Variants in SCHIP1 observed in about 807,000 individuals in gnomAD.
SCHIP1 encodes the protein schwannomin interacting protein 1, also known as schwannomin-interacting protein 1.
In SCHIP1, 8 loss-of-function variants were observed where a neutral mutation model predicts 29.7. That is an observed-to-expected ratio of 0.27 (90% CI 0.16 to 0.49). The LOEUF (loss-of-function observed/expected upper bound fraction) is 0.49, where lower values mean the gene tolerates loss of function less well. Ranked by LOEUF, SCHIP1 falls within the 20% of genes least tolerant of loss-of-function variation. SCHIP1 has a pLI of 0.99. For missense variants in SCHIP1, 193 were observed against 294.6 expected, an observed-to-expected ratio of 0.66 and a Z score of 2.52; for synonymous variants, 76 against 94.9, an observed-to-expected ratio of 0.80 and a Z score of 1.16.
the SCHIP1 span, among the ~76,000 whole-genome samples, chr3:159,760,911 C>G: frequency 6.6e-6 from 1 of 152,154 alleles, no homozygotes; most frequent in South Asian, 2.1e-4. Flanking sequence ...AGCAATTAAA[C>G]AGCAACCTCA....
the SCHIP1 span, among the ~76,000 whole-genome samples, chr3:159,684,541 C>T: frequency 6.6e-6 from 1 of 152,030 alleles, no homozygotes; most frequent in Non-Finnish European, 1.5e-5. Flanking sequence ...TGTGGTGGCT[C>T]ATGCCTGTAA....
chr3:159,609,316 T>C, the SCHIP1 span, among the ~76,000 whole-genome samples: 3 of 152,062 alleles, frequency 2.0e-5, no homozygotes, highest in East Asian at 1.9e-4. Context: ...ATTTGAATAG[T>C]GAGTAGTCCA....
At chr3:159,718,957 G>A in the SCHIP1 span, among the ~76,000 whole-genome samples, 1,585 of 152,260 alleles carry the variant, frequency 0.01, 12 homozygotes, top group Non-Finnish European at 0.017. Context: ...AAGGCTGGAG[G>A]CATCACGCTA....
the SCHIP1 span, among the ~76,000 whole-genome samples, chr3:159,827,932 T>C: frequency 2.6e-5 from 4 of 152,070 alleles, no homozygotes; most frequent in African/African-American, 7.2e-5. Flanking sequence ...GTTTTTGAAA[T>C]GTCCATGATC....
the SCHIP1 span, among the ~76,000 whole-genome samples, chr3:159,477,302 G>C: frequency 6.6e-6 from 1 of 152,074 alleles, no homozygotes; most frequent in Non-Finnish European, 1.5e-5. Flanking sequence ...CCGGATATAT[G>C]ACAAGTAGTA....
chr3:159,762,755 A>G, the SCHIP1 span, among the ~76,000 whole-genome samples: 1 of 152,252 alleles, frequency 6.6e-6, no homozygotes, highest in South Asian at 2.1e-4. Context: ...TTCATTTAAT[A>G]GAACCTTCTT....
the SCHIP1 span, among the ~76,000 whole-genome samples, chr3:159,334,419 T>A: frequency 6.6e-6 from 1 of 152,184 alleles, no homozygotes; most frequent in Non-Finnish European, 1.5e-5. Context: ...AGAAACAAAC[T>A]GGTGATTTTT....
At chr3:159,761,909 T>G in the SCHIP1 span, among the ~76,000 whole-genome samples, 1 of 152,162 alleles carries the variant, frequency 6.6e-6, no homozygotes, top group Non-Finnish European at 1.5e-5. Flanking sequence ...GAGGTCCTAA[T>G]ATTCAAAACT....
the SCHIP1 span, among the ~76,000 whole-genome samples, chr3:159,466,087 A>G: frequency 2.6e-5 from 4 of 152,182 alleles, no homozygotes; most frequent in African/African-American, 9.6e-5. Context: ...CATAGTAACT[A>G]TAAAACATTT....
At chr3:159,699,102 C>G in the SCHIP1 span, among the ~76,000 whole-genome samples, 1 of 152,108 alleles carries the variant, frequency 6.6e-6, no homozygotes. Context: ...TGTCTCTGTG[C>G]CCAGTGGAAG....
the SCHIP1 span, among the ~76,000 whole-genome samples, chr3:159,661,892 C>T: frequency 3.3e-5 from 5 of 152,280 alleles, no homozygotes; most frequent in East Asian, 5.8e-4. Context: ...GATTTCTCTT[C>T]GAAGAATCAG....
the SCHIP1 span, among the ~76,000 whole-genome samples, chr3:159,559,949 T>A: frequency 6.6e-6 from 1 of 152,238 alleles, no homozygotes; most frequent in Admixed American, 6.5e-5. Flanking sequence ...AGAATTATTC[T>A]ATTGCATAAG....
At chr3:159,891,417 C>T (rs1221038811) in intron 5 of SCHIP1, among the ~76,000 whole-genome samples, 1 of 150,544 alleles carries the variant, frequency 6.6e-6, no homozygotes. Context: ...AGGAAGGGAG[C>T]GAGGGAGGGA....
At chr3:159,581,684 A>G in the SCHIP1 span, among the ~76,000 whole-genome samples, 1 of 152,182 alleles carries the variant, frequency 6.6e-6, no homozygotes, top group African/African-American at 2.4e-5. Context: ...TCAAATATCT[A>G]AAACCATTTT....
the SCHIP1 span, among the ~76,000 whole-genome samples, chr3:159,520,869 A>G: frequency 2.0e-5 from 3 of 152,198 alleles, no homozygotes; most frequent in Non-Finnish European, 4.4e-5. Flanking sequence ...TGGTTTACCA[A>G]TTTGCTGTCA....
the SCHIP1 span, among the ~76,000 whole-genome samples, chr3:159,599,976 T>A: frequency 6.6e-6 from 1 of 152,200 alleles, no homozygotes; most frequent in African/African-American, 2.4e-5. Context: ...AAGGATAATT[T>A]TGCTGGAGAT....
chr3:159,625,305 A>C, the SCHIP1 span, among the ~76,000 whole-genome samples: 1 of 152,220 alleles, frequency 6.6e-6, no homozygotes. Context: ...GGGAGGCATA[A>C]ATGGCATAAA....
the SCHIP1 span, among the ~76,000 whole-genome samples, chr3:159,715,246 T>A: frequency 5.1e-4 from 77 of 152,196 alleles, no homozygotes; most frequent in African/African-American, 1.6e-3. Context: ...CATCTATACA[T>A]CACCATCATC....
At chr3:159,792,191 G>C in the SCHIP1 span, among the ~76,000 whole-genome samples, 1 of 152,084 alleles carries the variant, frequency 6.6e-6, no homozygotes, top group Non-Finnish European at 1.5e-5. Context: ...ATTGTATTCA[G>C]CTCAGTTCAA....
Sources: gnomAD v4.1 joint callset for allele counts (sites outside exome capture counted in the v4.1 genomes callset) on GRCh38, gnomAD v4.1.1 for gene constraint, MANE v1.5 for transcripts, NCBI Gene and HGNC (gene_info 2026-07-23, HGNC 2026-07-21) for gene names.